NUP43: variants seen among roughly 807,000 people sequenced by gnomAD.
NUP43 encodes the protein nucleoporin 43.
Under a neutral mutation model 47.3 loss-of-function variants are expected in NUP43, and 32 were observed. The ratio of observed to expected loss-of-function variants is 0.68; its 90% confidence interval spans 0.51 to 0.91. The LOEUF is 0.91. Among genes scored for constraint, NUP43 ranks in the 40% least tolerant of loss-of-function variants. The probability of loss-of-function intolerance (pLI) is 0.00; values close to 1 mark genes in which losing one functional copy is unlikely to be tolerated. For missense variants in NUP43, 444 were observed against 453.9 expected, an observed-to-expected ratio of 0.98 and a Z score of 0.20; for synonymous variants, 147 against 158.4, an observed-to-expected ratio of 0.93 and a Z score of 0.54.
Position 149,742,481 on chromosome 6 carries a change from A to G in NUP43, c.411T>C (p.Val137=), listed in dbSNP as rs1342593664. ...TAACGATTTCTGGGTTGTTGCACAC[A>G]ACACCTGTACATGGTGCACTGCTAT... The part of the protein sequence containing the change: ...PSYSSAPCTG[V]VCNNPEIVTV... Residue 137 remains valine, a synonymous_variant, in exon 4 of 8, where the codon GTT becomes GTC. Coordinates refer to ENST00000340413, the MANE Select transcript of NUP43 (RefSeq NM_198887.3). 1 of 1,613,922 alleles carries G rather than the reference A, an allele frequency of 6.2e-7. No homozygotes were observed. The highest frequency in any genetic ancestry group is 1.7e-5 in the Admixed American group (1 of 60,014).
upstream of NUP43, chr6:149,746,657 C>G: frequency 6.4e-7 from 1 of 1,564,834 alleles, no homozygotes; most frequent in Non-Finnish European, 8.7e-7. Context: ...CAGTCAGTAC[C>G]TAGACTGAGA....
rs143483609 is a variant in NUP43, at chr6:149,730,277, G to A, written c.913+1336C>T. On this transcript the variant is annotated intron_variant, in intron 7 of 7. Transcript: ENST00000340413. ...ACCTGCCTTGGCCTCCCAAAGTGCTGGGATTACAGGCATGAGCCACCACAC... is the reference window on the plus strand; with the variant it reads ...ACCTGCCTTGGCCTCCCAAAGTGCTAGGATTACAGGCATGAGCCACCACAC... 2.9e-3 allele frequency among the ~76,000 whole-genome samples: 438 copies of A among 151,518 alleles called. 1 individual carries two copies. Among genetic ancestry groups the A allele is most frequent in the African/African-American group, 0.01 (420 of 41,304 alleles).
chr6:149,745,858 G>GTTTT, intron 2 of NUP43, 82 bp downstream of exon 2: 1 of 1,289,536 alleles, frequency 7.8e-7, no homozygotes, highest in Non-Finnish European at 1.1e-6. Flanking sequence ...GGTGACACCA[G>GTTTT]ACAACTTTTA....
At chr6:149,747,985 A>C (rs1342606238), upstream of NUP43, among the ~76,000 whole-genome samples, 3 of 152,236 alleles carry the variant, frequency 2.0e-5, no homozygotes. Context: ...TACAGTCCCA[A>C]ATCAACAATT....
chr6:149,739,571 C>T (rs914952087), intron 4 of NUP43, among the ~76,000 whole-genome samples: 3 of 152,114 alleles, frequency 2.0e-5, no homozygotes, highest in African/African-American at 7.2e-5. Flanking sequence ...ACAGGCATGA[C>T]CCACCAGGCC....
At chr6:149,737,994 C>A (rs1028498674) in intron 5 of NUP43, among the ~76,000 whole-genome samples, 10 of 151,916 alleles carry the variant, frequency 6.6e-5, no homozygotes, top group African/African-American at 2.4e-4. Flanking sequence ...CCCAGCCTGG[C>A]TGAATCTTAA....
At chr6:149,740,344 C>A (rs1785584405) in intron 4 of NUP43, among the ~76,000 whole-genome samples, 1 of 138,298 alleles carries the variant, frequency 7.2e-6, no homozygotes, top group Admixed American at 7.3e-5. Context: ...ATAAACAACA[C>A]AAAAGGCCAG....
intron 4 of NUP43, among the ~76,000 whole-genome samples, chr6:149,741,711 T>C (rs763747135): frequency 4.6e-5 from 7 of 152,036 alleles, no homozygotes; most frequent in Non-Finnish European, 8.8e-5. Context: ...TTCACCACGT[T>C]GGCCAGGATG....
At chr6:149,744,912 TATTATTATTA>T (rs1785887537) in intron 2 of NUP43, among the ~76,000 whole-genome samples, 3 of 150,520 alleles carry the variant, frequency 2.0e-5, no homozygotes, top group African/African-American at 7.3e-5. Flanking sequence ...TTTATTTATT[TATTATTATTA>T]TTTTTTGAGA....
chr6:149,746,337 A>G, intron 1 of NUP43, 39 bp downstream of exon 1: 2 of 1,606,524 alleles, frequency 1.2e-6, no homozygotes, highest in Non-Finnish European at 1.7e-6. Context: ...AACCGGAGAG[A>G]GGGAGGAGGT....
At position 149,730,012 on chromosome 6, in the gene NUP43, T is replaced by C. The variant is rs960585508; in HGVS notation, c.913+1601A>G. Among the ~76,000 whole-genome samples the C allele has an allele frequency of 1.7e-3, 232 of 137,248 alleles. 1 individual carries two copies. The highest frequency in any genetic ancestry group is 6.1e-3 in the African/African-American group (216 of 35,636). The allele number at this position is 137,248 out of a possible 152,430, so 90.0% of individuals were successfully genotyped here. ...TGACTGTAATGAGGAAAGCACGCCCTTTTTTTTTTTTTTTGAGACGGAGTT... is the reference window on the plus strand; with the variant it reads ...TGACTGTAATGAGGAAAGCACGCCCCTTTTTTTTTTTTTTGAGACGGAGTT... On this transcript the variant is annotated intron_variant, in intron 7 of 7. Transcript: ENST00000340413.
At chr6:149,729,889 C>T (rs1485962626) in intron 7 of NUP43, among the ~76,000 whole-genome samples, 1 of 152,086 alleles carries the variant, frequency 6.6e-6, no homozygotes, top group Non-Finnish European at 1.5e-5. Context: ...AACTTTGGAG[C>T]CACAGACAAA....
chr6:149,745,257 G>A (rs947369260), intron 2 of NUP43, among the ~76,000 whole-genome samples: 2 of 151,408 alleles, frequency 1.3e-5, no homozygotes, highest in Non-Finnish European at 3.0e-5. Context: ...AAAATTAGCC[G>A]GGTATGGTGG....
In NUP43 at chr6:149,729,552, C is replaced by T. The variant is rs539780211; in HGVS notation, c.913+2061G>A. On this transcript the variant is annotated intron_variant, in intron 7 of 7. Transcript: ENST00000340413. ...GAACAAACTTTTACAGCATTTTCAA[C>T]AGTCAAGTAGCAGGGGTACTAACAA... 1.0e-4 allele frequency: 102 copies of T among 983,440 alleles called. No homozygotes were observed. The African/African-American group carries it at 1.7e-3, about 16-fold the overall frequency. The allele number at this position is 983,440 out of a possible 1,614,324, so 60.9% of individuals were successfully genotyped here.
In NUP43 at chr6:149,726,960, A is replaced by G; in HGVS notation, c.*9T>C. On this transcript the variant is annotated 3_prime_UTR_variant, in exon 8 of 8. Transcript: ENST00000340413. ...ATGTTCTATCTGAAATCTTATAATTATAGTACTTCTACGAAAAAAGATGTC... is the reference window on the plus strand; with the variant it reads ...ATGTTCTATCTGAAATCTTATAATTGTAGTACTTCTACGAAAAAAGATGTC... 1 of 1,598,306 alleles carries G rather than the reference A, an allele frequency of 6.3e-7. No individual in the cohort carries two copies. Among genetic ancestry groups the G allele is most frequent in the Non-Finnish European group, 8.6e-7 (1 of 1,165,994 alleles).
upstream of NUP43, among the ~76,000 whole-genome samples, chr6:149,747,444 T>C (rs534994846): frequency 6.6e-6 from 1 of 150,684 alleles, no homozygotes; most frequent in African/African-American, 2.4e-5. Context: ...CCACCATGCC[T>C]GGCTAATTTT....
In NUP43 at chr6:149,738,756, G is replaced by C; in HGVS notation, c.525C>G (p.Leu175=). 6.3e-7 allele frequency: 1 copy of C among 1,582,538 alleles called. No individual in the cohort carries two copies. Among genetic ancestry groups the C allele is most frequent in the Non-Finnish European group, 8.6e-7 (1 of 1,166,142 alleles). The part of the protein sequence containing the change: ...RTIDNADSST[L]HAVTFLRTPE... Reference sequence around the variant, plus strand: ...GAGTTCGAAGAAAGGTTACAGCATGGAGTGTACTACTATCTGCATTGTCTA... The same window carrying C: ...GAGTTCGAAGAAAGGTTACAGCATGCAGTGTACTACTATCTGCATTGTCTA... The change falls in exon 5 of 8, where the codon CTC becomes CTG. Residue 175 remains leucine, a synonymous_variant. Transcript: ENST00000340413.
At position 149,746,038 on chromosome 6, in the gene NUP43, T is replaced by A. The variant is rs768274188; in HGVS notation, c.145A>T (p.Ile49Phe). The change falls in exon 2 of 8, where the codon ATT (isoleucine) becomes TTT (phenylalanine). Residue 49 changes from isoleucine to phenylalanine, a missense_variant. Transcript: ENST00000340413. ...NEENYISLWS[I>F]GDFGNLDSDG... ...GAGTCCAAGTTTCCAAAATCTCCAA[T>A]AGACCACAGTGAAATATAATTTTCC... The A allele has an allele frequency of 5.6e-6, 9 of 1,613,800 alleles. No homozygotes were observed. The highest frequency in any genetic ancestry group is 1.7e-5 in the Admixed American group (1 of 59,960).
intron 5 of NUP43, 150 bp downstream of exon 5, chr6:149,738,493 G>A (rs1024755109): frequency 1.9e-5 from 9 of 473,326 alleles, no homozygotes; most frequent in Middle Eastern, 5.6e-4. Context: ...TACCAACCCC[G>A]TCAAGTTATG....
Sources: allele counts gnomAD v4.1 joint callset (sites outside exome capture counted in the v4.1 genomes callset), GRCh38; gene constraint gnomAD v4.1.1; transcripts MANE v1.5; gene names NCBI Gene and HGNC (gene_info 2026-07-23, HGNC 2026-07-21).